CDC42BPA: variants seen among roughly 807,000 people sequenced by gnomAD.
CDC42BPA encodes CDC42 binding protein kinase alpha.
Under a neutral mutation model 223.5 loss-of-function variants are expected in CDC42BPA, and 80 were observed. The ratio of observed to expected loss-of-function variants is 0.36; its 90% CI spans 0.30 to 0.43. The LOEUF (loss-of-function observed/expected upper bound fraction) is 0.43. Ranked by LOEUF, CDC42BPA falls within the 20% of genes least tolerant of loss-of-function variation. The pLI is 1.00. For synonymous variants in CDC42BPA, 694 were observed against 718.6 expected (o/e 0.97, Z 0.55); for missense variants, 1,743 against 2,099.9 (o/e 0.83, Z 3.32).
chr1:227,062,166 C>T (rs1426209909), intron 21 of CDC42BPA, among the ~76,000 whole-genome samples: 1 of 152,168 alleles, frequency 6.6e-6, no homozygotes, highest in Non-Finnish European at 1.5e-5. Flanking sequence ...CCTTCCTCAC[C>T]CTTTTTGTTT....
chr1:227,293,807 G>A (rs942581863), intron 1 of CDC42BPA, among the ~76,000 whole-genome samples: 8 of 151,324 alleles, frequency 5.3e-5, no homozygotes, highest in African/African-American at 1.5e-4. Flanking sequence ...ACAAAACTCC[G>A]CCTTAGAAAA....
In CDC42BPA at chr1:226,999,302, G is replaced by A. The variant is rs12567790; in HGVS notation, c.4976-4322C>T. On this transcript the variant is annotated intron_variant, in intron 35 of 36. Coordinates refer to ENST00000366766, the MANE Select transcript of CDC42BPA (RefSeq NM_001394014.1). Reference sequence around the variant, plus strand: ...CGCCATTCTCCTGCCTCAGCCTCTCGAGTGGCTGGGACTACAGGCGCCCGC... The same window carrying A: ...CGCCATTCTCCTGCCTCAGCCTCTCAAGTGGCTGGGACTACAGGCGCCCGC... Among the ~76,000 whole-genome samples, 392 of 151,648 alleles carry A rather than the reference G, an allele frequency of 2.6e-3. 9 individuals carry two copies. In the East Asian group the frequency reaches 0.048, roughly 19 times the overall value.
rs528033628 is a variant in CDC42BPA, at chr1:227,031,132, A to G, written c.3775+166T>C. Among the ~76,000 whole-genome samples the G allele has an allele frequency of 1.1e-4, 16 of 152,324 alleles. No homozygotes were observed. The South Asian group carries it at 3.3e-3, about 32-fold the overall frequency. ...TTTATACTCCTGTTTACTGAAAAAC[A>G]AAGATCTGATATAGGTCTCATTCAT... On this transcript the variant is annotated intron_variant, in intron 28 of 36. Transcript: ENST00000366766.
chr1:227,031,308 G>A lies in CDC42BPA; in HGVS notation c.3765C>T (p.Ala1255=), dbSNP rs374098494. ...GTTATAAATTCATACCTATGATTGC[G>A]GCTGCCTGGGTTGTTTTAATGAGGG... ...TLPLIKTTQA[A]AIIDHERIAL... is the part of the protein sequence containing the mutation. The change falls in exon 28 of 37, where the codon GCC becomes GCT. Residue 1255 remains alanine (A), a synonymous_variant. Coordinates refer to ENST00000366766, the MANE Select transcript of CDC42BPA (RefSeq NM_001394014.1). 8.1e-6 allele frequency: 13 copies of A among 1,610,770 alleles called. No homozygotes were observed. Among genetic ancestry groups the A allele is most frequent in the Admixed American group, 5.0e-5 (3 of 59,972 alleles).
intron 1 of CDC42BPA, among the ~76,000 whole-genome samples, chr1:227,301,356 G>A (rs1326403968): frequency 6.8e-6 from 1 of 146,634 alleles, no homozygotes; most frequent in Non-Finnish European, 1.5e-5. Flanking sequence ...AGTAAAGGAT[G>A]TAGACATTTT....
chr1:227,224,384 C>T (rs1194464797), intron 2 of CDC42BPA, among the ~76,000 whole-genome samples: 8 of 152,050 alleles, frequency 5.3e-5, no homozygotes, highest in Admixed American at 5.2e-4. Flanking sequence ...CAGGTGCGTG[C>T]CACCACCCCG....
At position 226,994,792 on chromosome 1, in the gene CDC42BPA, A is replaced by G; in HGVS notation, c.5133+31T>C. The stretch of plus-strand genomic sequence containing the variant: ...GGGAAGATGCCCTAGTCTTTCTGAT[A>G]CATGACGTCTCCGGAACCCTGCCCA... On this transcript the variant is annotated intron_variant, in intron 36 of 36. Transcript: ENST00000366766. This position sits in a 1 kb window ranked among gnomAD's most constrained non-coding sequence, Gnocchi z 4.0. 1 of 1,578,270 alleles carries G rather than the reference A, an allele frequency of 6.3e-7. No homozygotes were observed. The highest frequency in any genetic ancestry group is 8.6e-7 in the Non-Finnish European group (1 of 1,160,772).
intron 16 of CDC42BPA, among the ~76,000 whole-genome samples, chr1:227,088,797 C>T (rs975984163): frequency 3.9e-5 from 6 of 152,120 alleles, no homozygotes; most frequent in Admixed American, 3.9e-4. Flanking sequence ...GCGATCTCGG[C>T]TCACTGCTAC....
intron 2 of CDC42BPA, among the ~76,000 whole-genome samples, chr1:227,219,055 T>C (rs533499320): frequency 2.2e-4 from 34 of 152,296 alleles, no homozygotes; most frequent in African/African-American, 7.5e-4. Flanking sequence ...CCCTACAGAC[T>C]GAAGACTAGC....
chr1:227,203,296 A>C (rs1289603114), intron 3 of CDC42BPA, among the ~76,000 whole-genome samples: 1 of 152,126 alleles, frequency 6.6e-6, no homozygotes, highest in Non-Finnish European at 1.5e-5. Context: ...TGCTTGTCAC[A>C]ATTGGGAAAG....
At chr1:227,084,544 AAT>A (rs1491163193) in intron 16 of CDC42BPA, among the ~76,000 whole-genome samples, 17 of 151,190 alleles carry the variant, frequency 1.1e-4, no homozygotes, top group African/African-American at 2.7e-4. Context: ...AAAAAAAAAA[AAT>A]TTTTTTTTCA....
At chr1:227,155,594 G>T (rs61836501) in intron 6 of CDC42BPA, among the ~76,000 whole-genome samples, 2 of 152,012 alleles carry the variant, frequency 1.3e-5, no homozygotes, top group African/African-American at 4.8e-5. Context: ...ATATCTCCAT[G>T]GGAAAAAAAG....
At chr1:227,110,548 ACT>A (rs1686753503) in intron 14 of CDC42BPA, among the ~76,000 whole-genome samples, 1 of 152,180 alleles carries the variant, frequency 6.6e-6, no homozygotes, top group African/African-American at 2.4e-5. Flanking sequence ...ATCACTTATG[ACT>A]CTAAAATATT....
At chr1:227,049,846 A>G (rs1022972490) in intron 22 of CDC42BPA, among the ~76,000 whole-genome samples, 8 of 152,208 alleles carry the variant, frequency 5.3e-5, no homozygotes, top group Admixed American at 1.3e-4. Flanking sequence ...TTCCCATTAT[A>G]CATAACAATA....
intron 21 of CDC42BPA, among the ~76,000 whole-genome samples, chr1:227,061,384 C>A (rs1046194639): frequency 2.0e-5 from 3 of 152,104 alleles, no homozygotes; most frequent in African/African-American, 7.2e-5. Flanking sequence ...TATTTTAATT[C>A]TCACAGAAAC....
At chr1:227,042,234 T>A (rs1164653419) in intron 23 of CDC42BPA, among the ~76,000 whole-genome samples, 1 of 151,602 alleles carries the variant, frequency 6.6e-6, no homozygotes, top group Non-Finnish European at 1.5e-5. Flanking sequence ...GAAACAACTC[T>A]AGGGTTGACA....
chr1:227,192,763 A>G (rs1669927870), intron 5 of CDC42BPA, among the ~76,000 whole-genome samples: 1 of 152,076 alleles, frequency 6.6e-6, no homozygotes, highest in Admixed American at 6.5e-5. Flanking sequence ...TAAAGTATTA[A>G]TAGTTTATAA....
At chr1:227,250,626 G>GTGTGTGTGTGTGTA (rs1558869796) in intron 2 of CDC42BPA, among the ~76,000 whole-genome samples, 1 of 151,398 alleles carries the variant, frequency 6.6e-6, no homozygotes, top group Non-Finnish European at 1.5e-5. Context: ...AAACTGAAGT[G>GTGTGTGTGTGTGTA]TGTGTGTGTG....
chr1:227,221,026 C>T (rs1457828290), intron 2 of CDC42BPA, among the ~76,000 whole-genome samples: 1 of 152,210 alleles, frequency 6.6e-6, no homozygotes, highest in Admixed American at 6.5e-5. Flanking sequence ...TTCTCAACCT[C>T]TTTCAAACAC....
Sources: allele counts gnomAD v4.1 joint callset (sites outside exome capture counted in the v4.1 genomes callset), GRCh38; gene constraint gnomAD v4.1.1; non-coding constraint Gnocchi (gnomAD v3.1); transcripts MANE v1.5; gene names NCBI Gene and HGNC (gene_info 2026-07-23, HGNC 2026-07-21).